CECR2: variants seen among roughly 807,000 people sequenced by gnomAD.
The protein encoded by CECR2 is chromatin remodeling regulator CECR2.
A neutral mutation model predicts 154.5 loss-of-function variants in CECR2; 30 were observed. The observed-to-expected ratio is 0.19, with a 90% CI of 0.15 to 0.26. The LOEUF (loss-of-function observed/expected upper bound fraction) is 0.26, where lower values mean the gene tolerates loss of function less well. CECR2 is among the 10% of genes least tolerant of loss of function. The pLI is 1.00. For synonymous variants in CECR2, 725 were observed against 683.7 expected, an observed-to-expected ratio of 1.06 and a Z score of -0.94; for missense variants, 1,743 against 1,829.3, an observed-to-expected ratio of 0.95 and a Z score of 0.86.
intron 17 of CECR2, 51 bp downstream of exon 17, chr22:17,549,615 T>A: frequency 7.2e-7 from 1 of 1,394,832 alleles, no homozygotes; most frequent in Non-Finnish European, 9.7e-7. Flanking sequence ...GATGTTTATT[T>A]TATGTATTTA....
chr22:17,360,396 A>C (rs960288911), intron 1 of CECR2, among the ~76,000 whole-genome samples: 2 of 152,056 alleles, frequency 1.3e-5, no homozygotes, highest in Non-Finnish European at 2.9e-5. Flanking sequence ...AAAACAAAAC[A>C]CTAGGCCGGG....
intron 8 of CECR2, among the ~76,000 whole-genome samples, chr22:17,517,718 C>CT (rs1391113149): frequency 6.6e-6 from 1 of 152,206 alleles, no homozygotes; most frequent in African/African-American, 2.4e-5. Context: ...ACGTACACAA[C>CT]TCAGTTACAA....
intron 5 of CECR2, 59 bp from the exon 6 acceptor site, chr22:17,503,023 A>C: frequency 6.6e-7 from 1 of 1,511,130 alleles, no homozygotes; most frequent in Non-Finnish European, 9.1e-7. Flanking sequence ...CTGGGGTGGC[A>C]CAGAACAATT....
chr22:17,472,084 G>C (rs1306899937), intron 1 of CECR2, among the ~76,000 whole-genome samples: 1 of 152,148 alleles, frequency 6.6e-6, no homozygotes, highest in Non-Finnish European at 1.5e-5. Context: ...TTTGATGCAA[G>C]GCTGAGAGGA....
chr22:17,464,456 C>T (rs780581457), intron 1 of CECR2, among the ~76,000 whole-genome samples: 3 of 152,188 alleles, frequency 2.0e-5, no homozygotes, highest in Non-Finnish European at 2.9e-5. Flanking sequence ...CAGCTACCAA[C>T]ATTTGTTATG....
At chr22:17,536,753 G>C (rs2147007925) in intron 9 of CECR2, among the ~76,000 whole-genome samples, 1 of 152,264 alleles carries the variant, frequency 6.6e-6, no homozygotes, top group Non-Finnish European at 1.5e-5. Flanking sequence ...CGAGAAGATA[G>C]TCCTCATTCA....
chr22:17,399,858 T>G (rs1033559297), intron 1 of CECR2, among the ~76,000 whole-genome samples: 2 of 152,254 alleles, frequency 1.3e-5, no homozygotes, highest in African/African-American at 4.8e-5. Context: ...AAGGGAAAAT[T>G]TGTCTAGAAA....
At chr22:17,515,865 TG>T (rs1323595103) in intron 8 of CECR2, among the ~76,000 whole-genome samples, 1 of 151,972 alleles carries the variant, frequency 6.6e-6, no homozygotes, top group Non-Finnish European at 1.5e-5. Context: ...TTAGTAGAAA[TG>T]GGGTTTCACC....
intron 9 of CECR2, among the ~76,000 whole-genome samples, chr22:17,532,697 A>ATTATTTT (rs1158636788): frequency 1.0e-4 from 3 of 29,366 alleles, no homozygotes; most frequent in South Asian, 1.5e-3. Flanking sequence ...ATTCATTATT[A>ATTATTTT]TTCTTTTTTT....
chr22:17,510,808 T>C (rs967612781), intron 7 of CECR2, among the ~76,000 whole-genome samples: 1 of 152,154 alleles, frequency 6.6e-6, no homozygotes, highest in African/African-American at 2.4e-5. Context: ...GGTTTCACCA[T>C]GTTGGTCAGG....
Position 17,557,056 on chromosome 22 carries a change from T to C in CECR2, c.*4216T>C, listed in dbSNP as rs1194795326. 1 of 152,098 alleles carries C rather than the reference T, an allele frequency of 6.6e-6. No homozygotes were observed. The highest frequency in any genetic ancestry group is 1.5e-5 in the Non-Finnish European group (1 of 68,036). The allele number at this position is 152,098 out of a possible 1,614,324, so 9.4% of individuals were successfully genotyped here. A position where few individuals can be genotyped will look rare whatever the true frequency, so the allele number is the denominator to read the frequency against. ...TTCTTTTTTGGGTTGGACTCTGCCGTGCAGCCATAGGACACCAAGCCTCAC... is the reference window on the plus strand; with the variant it reads ...TTCTTTTTTGGGTTGGACTCTGCCGCGCAGCCATAGGACACCAAGCCTCAC... On this transcript the variant is annotated 3_prime_UTR_variant, in exon 19 of 19. Transcript: ENST00000262608.
chr22:17,456,447 G>A (rs938842575), intron 1 of CECR2, among the ~76,000 whole-genome samples: 4 of 152,058 alleles, frequency 2.6e-5, no homozygotes, highest in African/African-American at 4.8e-5. Context: ...ACTTTTCAGT[G>A]CCCTAATAAT....
chr22:17,510,952 C>T (rs762632674), intron 7 of CECR2, among the ~76,000 whole-genome samples: 6 of 152,166 alleles, frequency 3.9e-5, no homozygotes, highest in Admixed American at 3.3e-4. Context: ...AATGTACCCC[C>T]GTGGCTTTGC....
At chr22:17,524,853 GATGGGGTT>G in intron 9 of CECR2, 1 of 407,880 alleles carries the variant, frequency 2.5e-6, no homozygotes, top group Non-Finnish European at 4.9e-6. Flanking sequence ...TATTTTTAGA[GATGGGGTT>G]TTACCATGTT....
In CECR2 at chr22:17,554,765, A is replaced by G. The variant is rs954810118; in HGVS notation, c.*1925A>G. On this transcript the variant is annotated 3_prime_UTR_variant, in exon 19 of 19. Coordinates refer to ENST00000262608, the MANE Select transcript of CECR2 (RefSeq NM_001290047.2). ...GGATCCTAATTCTTGTTAGAAACCT[A>G]TCACTGGCATAACCTGGTTTAGAAG... 7.2e-5 allele frequency: 11 copies of G among 152,374 alleles called. No homozygotes were observed. Among genetic ancestry groups the G allele is most frequent in the Middle Eastern group, 3.4e-3 (1 of 294 alleles). 9.4% of individuals were successfully genotyped at this position (152,374 alleles called of 1,614,324 possible).
intron 2 of CECR2, among the ~76,000 whole-genome samples, chr22:17,487,013 A>G (rs1196908980): frequency 6.6e-6 from 1 of 152,156 alleles, no homozygotes; most frequent in Non-Finnish European, 1.5e-5. Flanking sequence ...GAAGGTCACT[A>G]ATCTAAGGCA....
At chr22:17,454,878 G>A (rs1180182702) in intron 1 of CECR2, among the ~76,000 whole-genome samples, 2 of 152,146 alleles carry the variant, frequency 1.3e-5, no homozygotes, top group Non-Finnish European at 2.9e-5. Flanking sequence ...TCCTCAGCAA[G>A]GCCATTTTTA....
chr22:17,510,629 T>C (rs1601487020), intron 7 of CECR2, among the ~76,000 whole-genome samples: 1 of 152,162 alleles, frequency 6.6e-6, no homozygotes, highest in African/African-American at 2.4e-5. Context: ...TGAGATGGAG[T>C]CTCGCTCTGT....
rs773757364 is a variant in CECR2, at chr22:17,548,375, A to G, written c.3088A>G (p.Ser1030Gly). ...KGKNPWPSDS[S>G]YPGPAAQGCV... Reference sequence around the variant, plus strand: ...CAAGAATCCCTGGCCCTCGGATAGCAGCTACCCCGGCCCAGCCGCCCAAGG... The same window carrying G: ...CAAGAATCCCTGGCCCTCGGATAGCGGCTACCCCGGCCCAGCCGCCCAAGG... The change falls in exon 17 of 19, where the codon AGC becomes GGC. Residue 1030 changes from serine (S) to glycine (G), a missense_variant. Physicochemically the swap from Ser to Gly is moderately conservative, Grantham distance 56. Transcript: ENST00000262608. The G allele has an allele frequency of 6.2e-6, 10 of 1,613,410 alleles. No homozygotes were observed. Among genetic ancestry groups the G allele is most frequent in the Non-Finnish European group, 8.5e-6 (10 of 1,179,582 alleles).
Sources: allele counts gnomAD v4.1 joint callset (sites outside exome capture counted in the v4.1 genomes callset), GRCh38; gene constraint gnomAD v4.1.1; transcripts MANE v1.5; gene names NCBI Gene and HGNC (gene_info 2026-07-23, HGNC 2026-07-21).